Variants in DAOA observed in about 807,000 individuals in gnomAD.
DAOA encodes D-amino acid oxidase regulator.
DAOA carries 15 observed loss-of-function variants against 16.4 expected under a neutral mutation model. The ratio of observed to expected loss-of-function variants is 0.91; its 90% confidence interval spans 0.61 to 1.41. The LOEUF (loss-of-function observed/expected upper bound fraction) is 1.41. Ranked by LOEUF, DAOA falls within the 40% of genes most tolerant of loss-of-function variation. The pLI, the probability that DAOA is intolerant of heterozygous loss-of-function variation, is 0.00. For missense variants in DAOA, 230 were observed against 176.8 expected (o/e 1.30, Z -1.71); for synonymous variants, 75 against 59.1 (o/e 1.27, Z -1.23).
chr13:105,489,677 T>C, intron 4 of DAOA: 1 of 1,022,756 alleles, frequency 9.8e-7, no homozygotes, highest in Non-Finnish European at 1.4e-6. Flanking sequence ...ACAGTCTTTC[T>C]TTGAAATTAT....
At chr13:105,474,765 T>C (rs1877224877) in intron 4 of DAOA, among the ~76,000 whole-genome samples, 1 of 152,140 alleles carries the variant, frequency 6.6e-6, no homozygotes, top group Admixed American at 6.5e-5. Flanking sequence ...GAGAGGAAGT[T>C]GGAGAAAAGC....
At chr13:105,480,735 G>A (rs1474075328) in intron 4 of DAOA, among the ~76,000 whole-genome samples, 2 of 152,196 alleles carry the variant, frequency 1.3e-5, no homozygotes, top group Admixed American at 6.5e-5. Context: ...GGGAAGTGGG[G>A]TGCTAGTGTA....
rs543455323 is a variant in DAOA at position 105,466,348 on chromosome 13, T to G, written c.44+16T>G. On this transcript the variant is annotated intron_variant, in intron 2 of 5. Transcript: ENST00000375936. ...AGCTTTTCAGGTAGGTAGCTTGGGGTTTTTTACAGCATGGCGGCCTCAGTG... is the reference window on the plus strand; with the variant it reads ...AGCTTTTCAGGTAGGTAGCTTGGGGGTTTTTACAGCATGGCGGCCTCAGTG... 1 of 1,613,454 alleles carries G rather than the reference T, an allele frequency of 6.2e-7. No individual in the cohort carries two copies. Among genetic ancestry groups the G allele is most frequent in the Non-Finnish European group, 8.5e-7 (1 of 1,179,776 alleles).
intron 4 of DAOA, among the ~76,000 whole-genome samples, chr13:105,473,093 C>G (rs1043316710): frequency 6.6e-6 from 1 of 151,898 alleles, no homozygotes; most frequent in African/African-American, 2.4e-5. Flanking sequence ...GAAAAATAAG[C>G]CTGCCCATAC....
rs555838438 is a variant in DAOA, at chr13:105,489,414, T to C, written c.282-487T>C. Among the ~76,000 whole-genome samples, 4 of 152,358 alleles carry C rather than the reference T, an allele frequency of 2.6e-5. No homozygotes were observed. In the South Asian group the frequency reaches 8.3e-4, roughly 32 times the overall value. ...AAGCATTCTGTGTTCACATCAGGTT[T>C]GAATCAGGTCTGCTGGGCTTTTCTG... On this transcript the variant is annotated intron_variant, in intron 4 of 5. Coordinates refer to ENST00000375936, the MANE Select transcript of DAOA (RefSeq NM_172370.5).
At chr13:105,490,397 T>A in intron 5 of DAOA, 1 of 166,376 alleles carries the variant, frequency 6.0e-6, no homozygotes, top group Non-Finnish European at 1.2e-5. Context: ...TCATAATCAG[T>A]AAAACAAACA....
rs1368714986 is a variant in DAOA at position 105,466,055 on chromosome 13, G to A, written c.-79G>A. 6.8e-6 allele frequency: 3 copies of A among 442,998 alleles called. No individual in the cohort carries two copies. The highest frequency in any genetic ancestry group is 3.6e-5 in the East Asian group (1 of 27,756). 27.4% of individuals were successfully genotyped at this position (442,998 alleles called of 1,614,324 possible). On this transcript the variant is annotated 5_prime_UTR_variant, in exon 1 of 6. The change creates a new upstream start codon in the 5' untranslated region. Coordinates refer to ENST00000375936, the MANE Select transcript of DAOA (RefSeq NM_172370.5). ...CAGAAAGTAGAGTGAAGCAAGTAAT[G>A]TGTGTGTGAGTAGTCATTGGATACA...
chr13:105,466,818 T>C (rs189448295), intron 2 of DAOA, among the ~76,000 whole-genome samples: 11 of 152,280 alleles, frequency 7.2e-5, no homozygotes, highest in African/African-American at 2.6e-4. Flanking sequence ...TGAACTCTCC[T>C]GTCAGCTATT....
Position 105,467,053 on chromosome 13 carries a change from A to T in DAOA, c.45A>T (p.Arg15Ser). The change falls in exon 3 of 6, where the codon AGA (arginine) becomes AGT (serine). Residue 15 changes from arginine to serine, a missense_variant and splice_region_variant. Transcript: ENST00000375936. ...LMGADSLQLFRSRYTLGKIYF... is the reference protein window; with the variant it reads ...LMGADSLQLFSSRYTLGKIYF... ...GACTGATATTTTCTTTAATTTTTAG[A>T]TCCAGATATACATTGGGTAAAATCT... The T allele has an allele frequency of 6.2e-7, 1 of 1,608,238 alleles. No homozygotes were observed. Among genetic ancestry groups the T allele is most frequent in the Non-Finnish European group, 8.5e-7 (1 of 1,177,736 alleles).
chr13:105,473,396 G>A (rs1877124043), intron 4 of DAOA, among the ~76,000 whole-genome samples: 4 of 151,914 alleles, frequency 2.6e-5, no homozygotes, highest in African/African-American at 9.7e-5. Context: ...TAGGCTTAAC[G>A]AGAATAAGCA....
chr13:105,489,776 C>A (rs1454616823), intron 4 of DAOA, 125 bp from the exon 5 acceptor site: 5 of 1,598,598 alleles, frequency 3.1e-6, no homozygotes, highest in Non-Finnish European at 4.3e-6. Flanking sequence ...AACCCCTTAC[C>A]CTTGAATGTG....
chr13:105,486,744 G>T (rs770781914), intron 4 of DAOA, among the ~76,000 whole-genome samples: 6 of 151,568 alleles, frequency 4.0e-5, no homozygotes, highest in African/African-American at 1.2e-4. Context: ...CCAGCCTCCC[G>T]AGTAGCTGGG....
At chr13:105,469,278 T>C (rs1000554169) in intron 3 of DAOA, among the ~76,000 whole-genome samples, 5 of 152,332 alleles carry the variant, frequency 3.3e-5, no homozygotes, top group African/African-American at 1.2e-4. Flanking sequence ...GTACCGTTAG[T>C]TCCTGGCTGC....
intron 4 of DAOA, chr13:105,477,163 A>G (rs1226057669): frequency 1.3e-5 from 2 of 152,150 alleles, no homozygotes; most frequent in African/African-American, 4.8e-5. Context: ...GAGACCTCCA[A>G]CAGATGGAAA....
intron 4 of DAOA, among the ~76,000 whole-genome samples, chr13:105,487,601 A>G (rs948749967): frequency 4.6e-5 from 7 of 151,886 alleles, no homozygotes; most frequent in African/African-American, 1.2e-4. Flanking sequence ...GAAAAAAAAA[A>G]AACGGTTTGC....
At chr13:105,465,989 G>A (rs931566692), upstream of DAOA, 18 of 304,188 alleles carry the variant, frequency 5.9e-5, no homozygotes, top group Non-Finnish European at 9.6e-5. Flanking sequence ...AATTTCCCAC[G>A]AATAACATTT....
chr13:105,486,234 C>T (rs186203068), intron 4 of DAOA, among the ~76,000 whole-genome samples: 78 of 152,228 alleles, frequency 5.1e-4, no homozygotes, highest in African/African-American at 1.7e-3. Context: ...TTTCTTCATA[C>T]GCGCTCACTC....
chr13:105,469,480 G>C (rs1044413548), intron 3 of DAOA, among the ~76,000 whole-genome samples: 2 of 152,112 alleles, frequency 1.3e-5, no homozygotes, highest in African/African-American at 4.8e-5. Flanking sequence ...ATGTACCAGT[G>C]GTGAAAATTT....
At chr13:105,471,064 A>G (rs1350807849) in intron 3 of DAOA, among the ~76,000 whole-genome samples, 1 of 152,152 alleles carries the variant, frequency 6.6e-6, no homozygotes, top group Admixed American at 6.5e-5. Context: ...CTGGGATTAC[A>G]GGCATGAGCC....
Sources: allele counts gnomAD v4.1 joint callset (sites outside exome capture counted in the v4.1 genomes callset), GRCh38; gene constraint gnomAD v4.1.1; transcripts MANE v1.5; gene names NCBI Gene and HGNC (gene_info 2026-07-23, HGNC 2026-07-21).